STX17: variants seen among roughly 807,000 people sequenced by gnomAD.
The protein encoded by STX17 is syntaxin 17.
A neutral mutation model predicts 35.9 loss-of-function variants in STX17; 29 were observed. The ratio of observed to expected loss-of-function variants is 0.81; its 90% CI spans 0.60 to 1.10. The LOEUF (loss-of-function observed/expected upper bound fraction) is 1.10, where lower values mean the gene tolerates loss of function less well. Ranked by LOEUF, STX17 falls within the 50% of genes least tolerant of loss-of-function variation. The probability of loss-of-function intolerance (pLI) is 0.00; values close to 1 mark genes in which losing one functional copy is unlikely to be tolerated. For missense variants in STX17, 312 were observed against 352.3 expected (o/e 0.89, Z 0.92); for synonymous variants, 92 against 118.3 (o/e 0.78, Z 1.44).
intron 4 of STX17, among the ~76,000 whole-genome samples, chr9:99,952,815 G>A (rs1038976421): frequency 1.1e-4 from 16 of 149,600 alleles, no homozygotes; most frequent in Admixed American, 2.0e-4. Flanking sequence ...TCACTCATAG[G>A]TGGGAATTGA....
chr9:99,964,711 CA>C (rs949324882), intron 6 of STX17, among the ~76,000 whole-genome samples: 2 of 151,990 alleles, frequency 1.3e-5, no homozygotes, highest in Non-Finnish European at 2.9e-5. Flanking sequence ...CAGGCTGGGG[CA>C]GGGTTGTATA....
intron 1 of STX17, among the ~76,000 whole-genome samples, chr9:99,910,642 G>T (rs1828641569): frequency 6.6e-6 from 1 of 152,070 alleles, no homozygotes; most frequent in African/African-American, 2.4e-5. Flanking sequence ...GGGTATTTGG[G>T]ATATATATCA....
chr9:99,965,879 C>G (rs1433058204), intron 6 of STX17, among the ~76,000 whole-genome samples: 2 of 152,136 alleles, frequency 1.3e-5, no homozygotes, highest in African/African-American at 4.8e-5. Flanking sequence ...ATTTTATCCC[C>G]ACTTCAACTC....
intron 1 of STX17, among the ~76,000 whole-genome samples, chr9:99,911,977 G>T (rs533035100): frequency 2.6e-5 from 4 of 152,066 alleles, no homozygotes; most frequent in Non-Finnish European, 5.9e-5. Context: ...CTGTAATCCC[G>T]GCACTTTGGG....
chr9:99,959,745 G>A (rs2118518233), intron 4 of STX17, among the ~76,000 whole-genome samples, 172 bp from the exon 5 acceptor site: 1 of 152,292 alleles, frequency 6.6e-6, no homozygotes, highest in East Asian at 1.9e-4. Flanking sequence ...ATAGGTGTGA[G>A]CCACTGCACC....
At chr9:99,960,283 A>G in intron 6 of STX17, 128 bp downstream of exon 6, 2 of 951,450 alleles carry the variant, frequency 2.1e-6, no homozygotes, top group Non-Finnish European at 3.1e-6. Flanking sequence ...TAAGCCATAG[A>G]TAGAAGTTTA....
chr9:99,935,254 C>T (rs1220927441), intron 3 of STX17, among the ~76,000 whole-genome samples: 8 of 147,280 alleles, frequency 5.4e-5, no homozygotes, highest in Non-Finnish European at 1.0e-4. Context: ...GGCGTGAACC[C>T]AGGAGGAGGA....
At chr9:99,953,947 G>GA (rs1204257329) in intron 4 of STX17, 2 of 151,970 alleles carry the variant, frequency 1.3e-5, no homozygotes, top group Non-Finnish European at 2.9e-5. Flanking sequence ...ATTATTAATA[G>GA]AAAAAGGCAG....
At chr9:99,958,962 A>G (rs193034574) in intron 4 of STX17, among the ~76,000 whole-genome samples, 21 of 152,310 alleles carry the variant, frequency 1.4e-4, no homozygotes, top group African/African-American at 5.1e-4. Context: ...ACATATGGTA[A>G]TGTTTGGTGA....
Position 99,970,726 on chromosome 9 carries a change from A to G in STX17, c.*2053A>G, listed in dbSNP as rs1564078720. 6.6e-6 allele frequency among the ~76,000 whole-genome samples: 1 copy of G among 152,196 alleles called. No individual in the cohort carries two copies. Among genetic ancestry groups the G allele is most frequent in the Non-Finnish European group, 1.5e-5 (1 of 68,044 alleles). The stretch of plus-strand genomic sequence containing the variant: ...AACTCCCAGTATTCTACCCTTCTTC[A>G]TCACTGCATATTACCCCACTCTTCC... On this transcript the variant is annotated 3_prime_UTR_variant, in exon 8 of 8. Transcript: ENST00000259400.
intron 4 of STX17, 45 bp from the exon 5 acceptor site, chr9:99,959,872 A>T: frequency 1.4e-6 from 2 of 1,417,294 alleles, no homozygotes; most frequent in Non-Finnish European, 2.0e-6. Context: ...CTCTTTTCTA[A>T]CAAAGCAAAT....
chr9:99,957,446 T>A (rs7027619), intron 4 of STX17, among the ~76,000 whole-genome samples: 2 of 151,850 alleles, frequency 1.3e-5, no homozygotes, highest in African/African-American at 2.4e-5. Context: ...TTTTTATCTC[T>A]GGCACCCTAA....
chr9:99,960,357 T>G (rs1438386726), intron 6 of STX17, among the ~76,000 whole-genome samples: 1 of 152,192 alleles, frequency 6.6e-6, no homozygotes, highest in Non-Finnish European at 1.5e-5. Context: ...ATACAAGCAG[T>G]GTGTTAGATG....
intron 2 of STX17, among the ~76,000 whole-genome samples, chr9:99,925,978 G>A (rs13340720): frequency 0.017 from 2,587 of 151,582 alleles, 73 homozygotes; most frequent in African/African-American, 0.059. Context: ...TTTTCATTTG[G>A]CCCATGACTA....
At chr9:99,962,794 C>T (rs962749512) in intron 6 of STX17, among the ~76,000 whole-genome samples, 7 of 152,158 alleles carry the variant, frequency 4.6e-5, no homozygotes, top group African/African-American at 1.7e-4. Context: ...AGCAAAAGCT[C>T]AAAGGAGAAC....
intron 6 of STX17, among the ~76,000 whole-genome samples, chr9:99,962,139 A>G (rs1019389943): frequency 2.0e-5 from 3 of 152,112 alleles, no homozygotes; most frequent in African/African-American, 4.8e-5. Flanking sequence ...GCTTCTCAAT[A>G]CTGGCTTCTT....
intron 1 of STX17, among the ~76,000 whole-genome samples, chr9:99,909,664 C>T (rs1170521494): frequency 6.6e-6 from 1 of 151,946 alleles, no homozygotes; most frequent in Non-Finnish European, 1.5e-5. Flanking sequence ...AGAAGAAATG[C>T]AATGAGTACA....
intron 1 of STX17, among the ~76,000 whole-genome samples, chr9:99,911,150 C>G (rs1266156891): frequency 6.6e-6 from 1 of 152,094 alleles, no homozygotes; most frequent in Admixed American, 6.5e-5. Flanking sequence ...ATTCTCCTGC[C>G]TCAGCCTCCG....
intron 2 of STX17, among the ~76,000 whole-genome samples, chr9:99,924,834 C>T (rs1587916537): frequency 6.6e-6 from 1 of 151,842 alleles, no homozygotes; most frequent in Non-Finnish European, 1.5e-5. Flanking sequence ...ATGGTGAGAT[C>T]AGACATCCTT....
Sources: allele counts gnomAD v4.1 joint callset (sites outside exome capture counted in the v4.1 genomes callset), GRCh38; gene constraint gnomAD v4.1.1; transcripts MANE v1.5; gene names NCBI Gene and HGNC (gene_info 2026-07-23, HGNC 2026-07-21).